Variants in DMAC2L observed in about 807,000 individuals in gnomAD.
DMAC2L encodes the protein distal membrane arm assembly component 2 like.
Under a neutral mutation model 22.5 loss-of-function variants are expected in DMAC2L, and 21 were observed. The ratio of observed to expected loss-of-function variants is 0.93; its 90% CI spans 0.66 to 1.34. The LOEUF is 1.34. DMAC2L is among the 40% of genes most tolerant of loss of function. The pLI is 0.00. For missense variants in DMAC2L, 239 were observed against 246.5 expected (o/e 0.97, Z 0.20); for synonymous variants, 86 against 89.5 (o/e 0.96, Z 0.22).
At chr14:50,320,818 G>T (rs975803056) in intron 2 of DMAC2L, among the ~76,000 whole-genome samples, 5 of 152,142 alleles carry the variant, frequency 3.3e-5, no homozygotes, top group African/African-American at 1.2e-4. Flanking sequence ...AACTTGAATT[G>T]AGGTCAATCA....
At position 50,322,645 on chromosome 14, in the gene DMAC2L, C is replaced by A. The variant is rs771140963; in HGVS notation, c.242C>A (p.Pro81His). 22 of 1,614,176 alleles carry A rather than the reference C, an allele frequency of 1.4e-5. No individual in the cohort carries two copies. The highest frequency in any genetic ancestry group is 1.9e-5 in the Non-Finnish European group (22 of 1,180,040). Residue 81 changes from proline to histidine, a missense_variant, in exon 4 of 6, where the codon CCT becomes CAT. By Grantham distance (77) the Pro-to-His change is moderately conservative (BLOSUM62 -2). Transcript: ENST00000557421. ...QKDYNHLPTG[P>H]LDKYKIQAID... ...GACTACAACCACCTTCCAACAGGCC[C>A]TCTGGACAAATACAAGATTCAGGCG...
rs2032277045 is a variant in DMAC2L, at chr14:50,321,562, C to A, written c.75C>A (p.Tyr25Ter). Residue 25 changes from tyrosine to a stop codon, truncating the protein, a stop_gained, in exon 3 of 6, where the codon TAC becomes TAA. Transcript: ENST00000557421. LOFTEE classifies it high-confidence loss of function. ...TCCCATGGTCATGTGACTCCAGATA[C>A]TTCTGGGGCTGGTTGAATGCAGTGT... is the stretch of plus-strand genomic sequence containing the variant. ...KKLPWSCDSR[Y>*]FWGWLNAVFN... is the part of the protein sequence containing the mutation. 1.2e-6 allele frequency: 2 copies of A among 1,613,674 alleles called. No homozygotes were observed. Among genetic ancestry groups the A allele is most frequent in the South Asian group, 2.2e-5 (2 of 91,072 alleles).
chr14:50,312,345 A>G lies in DMAC2L; in HGVS notation c.-86A>G. The stretch of plus-strand genomic sequence containing the variant: ...CGAAGGGCCGGCCAGGGTGCCGCAG[A>G]CGCGGGGACGCTGGCTCGCTCCCTC... On this transcript the variant is annotated 5_prime_UTR_variant, in exon 1 of 6. Transcript: ENST00000557421. 1 of 708,244 alleles carries G rather than the reference A, an allele frequency of 1.4e-6. No homozygotes were observed. Among genetic ancestry groups the G allele is most frequent in the Non-Finnish European group, 2.3e-6 (1 of 432,642 alleles). The allele number at this position is 708,244 out of a possible 1,614,324, so 43.9% of individuals were successfully genotyped here. A position where few individuals can be genotyped will look rare whatever the true frequency, so the allele number is the denominator to read the frequency against.
upstream of DMAC2L, chr14:50,311,921 G>C: frequency 3.3e-6 from 5 of 1,510,012 alleles, no homozygotes; most frequent in Non-Finnish European, 4.4e-6. Context: ...CCCCGGGACA[G>C]GGAAATACGA....
At chr14:50,317,156 T>G (rs931281867) in intron 2 of DMAC2L, among the ~76,000 whole-genome samples, 18 of 152,284 alleles carry the variant, frequency 1.2e-4, no homozygotes, top group African/African-American at 4.1e-4. Flanking sequence ...CCTCCTTGGT[T>G]AGGCATATTC....
At chr14:50,322,768 G>C (rs761717713) in intron 4 of DMAC2L, 49 bp downstream of exon 4, 26 of 1,609,896 alleles carry the variant, frequency 1.6e-5, no homozygotes, top group Non-Finnish European at 2.1e-5. Flanking sequence ...GATTTGCAGT[G>C]ACCATTTTGT....
chr14:50,327,696 C>G lies in DMAC2L; in HGVS notation c.*1973C>G. Reference sequence around the variant, plus strand: ...GCCAGACTGGTCTTGAACTCCTAACCTCAGGATCCACCCGCCTCGGCCTCC... The same window carrying G: ...GCCAGACTGGTCTTGAACTCCTAACGTCAGGATCCACCCGCCTCGGCCTCC... On this transcript the variant is annotated 3_prime_UTR_variant, in exon 6 of 6. Coordinates refer to ENST00000557421, the MANE Select transcript of DMAC2L (RefSeq NM_001382507.1). 1 of 152,064 alleles carries G rather than the reference C, an allele frequency of 6.6e-6. No homozygotes were observed. The highest frequency in any genetic ancestry group is 1.5e-5 in the Non-Finnish European group (1 of 68,020). The allele number at this position is 152,064 out of a possible 1,614,324, so 9.4% of individuals were successfully genotyped here.
In DMAC2L at chr14:50,322,793, G is replaced by A. The variant is rs762766981; in HGVS notation, c.316+74G>A. The A allele has an allele frequency of 1.6e-5, 26 of 1,602,028 alleles. No individual in the cohort carries two copies. In the East Asian group the frequency reaches 3.8e-4, roughly 24 times the overall value. On this transcript the variant is annotated intron_variant, in intron 4 of 5. Coordinates refer to ENST00000557421, the MANE Select transcript of DMAC2L (RefSeq NM_001382507.1). The stretch of plus-strand genomic sequence containing the variant: ...GACCATTTTGTTGCAGTTGACTCAC[G>A]ATTATAGTCATAGGTATGTCCTTTT...
chr14:50,318,554 G>A (rs2032003330), intron 2 of DMAC2L, among the ~76,000 whole-genome samples: 1 of 152,144 alleles, frequency 6.6e-6, no homozygotes, highest in East Asian at 1.9e-4. Flanking sequence ...ATGGAAACAT[G>A]TCAACCGTTG....
Position 50,327,200 on chromosome 14 carries a change from T to C in DMAC2L, c.*1477T>C, listed in dbSNP as rs577383734. On this transcript the variant is annotated 3_prime_UTR_variant, in exon 6 of 6. Transcript: ENST00000557421. The stretch of plus-strand genomic sequence containing the variant: ...AAAAATAAAAAATAGCTGGGTGTAG[T>C]GGCACATGCCTGTAGTCCCAACTAC... The C allele has an allele frequency of 2.7e-4, 41 of 152,054 alleles. 1 individual carries two copies. Among genetic ancestry groups the C allele is most frequent in the Admixed American group, 2.4e-3 (36 of 15,280 alleles). The allele number at this position is 152,054 out of a possible 1,614,324, so 9.4% of individuals were successfully genotyped here.
Position 50,321,582 on chromosome 14 carries a change from CAGT to C in DMAC2L, c.96_98del (p.Val33del). 6.2e-7 allele frequency: 1 copy of C among 1,611,676 alleles called. No individual in the cohort carries two copies. Among genetic ancestry groups the C allele is most frequent in the Non-Finnish European group, 8.5e-7 (1 of 1,178,004 alleles). ...AGATACTTCTGGGGCTGGTTGAATG[CAGT>C]GTTTAATAAGTAAGTTACTCTAAAT... On this transcript the variant is annotated inframe_deletion, in exon 3 of 6. Transcript: ENST00000557421.
chr14:50,312,591 G>T, intron 1 of DMAC2L: 1 of 275,092 alleles, frequency 3.6e-6, no homozygotes, highest in Non-Finnish European at 6.9e-6. Flanking sequence ...GGCGGGCCCT[G>T]CGGCTTCTTT....
At chr14:50,324,665 TC>T (rs988362213) in intron 5 of DMAC2L, 1 of 152,246 alleles carries the variant, frequency 6.6e-6, no homozygotes, top group Non-Finnish European at 1.5e-5. Context: ...CTGGAGCAAG[TC>T]ACCTAATCCC....
intron 2 of DMAC2L, chr14:50,318,834 A>T (rs1055635389): frequency 5.9e-6 from 1 of 170,722 alleles, no homozygotes; most frequent in Non-Finnish European, 1.2e-5. Context: ...CTATTATCCA[A>T]CCACGTTGGG....
chr14:50,321,475 G>A lies in DMAC2L; in HGVS notation c.-5-8G>A, dbSNP rs372190276. The A allele has an allele frequency of 1.7e-5, 28 of 1,613,260 alleles. No homozygotes were observed. In the Admixed American group the frequency reaches 2.7e-4, roughly 15 times the overall value. The stretch of plus-strand genomic sequence containing the variant: ...TGATCTAATGTAAGTACTGTTTTGT[G>A]TGTCTAGATCAAATGATGCCGTTTG... On this transcript the variant is annotated splice_region_variant and splice_polypyrimidine_tract_variant and intron_variant, in intron 2 of 5. Transcript: ENST00000557421.
At chr14:50,312,933 G>A (rs984596578) in intron 1 of DMAC2L, 9 of 1,504,904 alleles carry the variant, frequency 6.0e-6, no homozygotes, top group East Asian at 2.3e-5. Context: ...CCGGCACTGG[G>A]TACCGGAAGA....
intron 2 of DMAC2L, 191 bp from the exon 3 acceptor site, chr14:50,321,288 TCCAA>T (rs2032249103): frequency 9.0e-7 from 1 of 1,111,442 alleles, no homozygotes; most frequent in African/African-American, 1.6e-5. Flanking sequence ...CACCATCCAG[TCCAA>T]CCCCTCATTT....
rs532380408 is a variant in DMAC2L, at chr14:50,315,794, A to G, written c.-6+1168A>G. 2.2e-3 allele frequency among the ~76,000 whole-genome samples: 325 copies of G among 150,826 alleles called. 1 individual carries two copies. Among genetic ancestry groups the G allele is most frequent in the Non-Finnish European group, 3.9e-3 (265 of 67,930 alleles). On this transcript the variant is annotated intron_variant, in intron 2 of 5. Transcript: ENST00000557421. ...CATATATATATACCACAGCTTCTTT[A>G]TCCACTCATTGATTGATGGGCATTT...
upstream of DMAC2L, chr14:50,311,909 C>CA (rs1431437525): frequency 2.0e-6 from 3 of 1,480,828 alleles, no homozygotes; most frequent in Non-Finnish European, 2.7e-6. Context: ...AACCTGCTCT[C>CA]ACCCCGGGAC....
Sources: allele counts gnomAD v4.1 joint callset (sites outside exome capture counted in the v4.1 genomes callset), GRCh38; gene constraint gnomAD v4.1.1; transcripts MANE v1.5; gene names NCBI Gene and HGNC (gene_info 2026-07-23, HGNC 2026-07-21).